Variants in LSAMP observed in about 807,000 individuals in gnomAD.
LSAMP encodes limbic system-associated membrane protein.
A neutral mutation model predicts 38.6 loss-of-function variants in LSAMP; 7 were observed. The ratio of observed to expected loss-of-function variants is 0.18; its 90% CI spans 0.10 to 0.34. LSAMP has a LOEUF of 0.34. Ranked by LOEUF, LSAMP falls within the 10% of genes least tolerant of loss-of-function variation. The pLI, the probability that LSAMP is intolerant of heterozygous loss-of-function variation, is 1.00. For missense variants in LSAMP, 313 were observed against 420.0 expected, an observed-to-expected ratio of 0.75 and a Z score of 2.23; for synonymous variants, 154 against 166.8, an observed-to-expected ratio of 0.92 and a Z score of 0.59.
At chr3:116,406,297 A>G (rs962451652) in intron 1 of LSAMP, among the ~76,000 whole-genome samples, 15 of 152,086 alleles carry the variant, frequency 9.9e-5, no homozygotes, top group Non-Finnish European at 1.5e-5. Context: ...AGCTCTTTCT[A>G]TGTCTTGGAA....
intron 1 of LSAMP, among the ~76,000 whole-genome samples, chr3:116,109,961 G>A (rs779967986): frequency 2.0e-5 from 3 of 149,370 alleles, no homozygotes; most frequent in African/African-American, 5.1e-5. Context: ...ATAAGAGGTC[G>A]GGGTGTGGAA....
At chr3:116,208,162 C>T (rs1380750085) in intron 1 of LSAMP, among the ~76,000 whole-genome samples, 3 of 152,070 alleles carry the variant, frequency 2.0e-5, no homozygotes, top group Non-Finnish European at 2.9e-5. Flanking sequence ...CATCTTCCAT[C>T]ACTGATACCC....
intron 2 of LSAMP, among the ~76,000 whole-genome samples, chr3:116,026,429 T>C (rs1042687895): frequency 6.6e-6 from 1 of 152,148 alleles, no homozygotes; most frequent in South Asian, 2.1e-4. Context: ...AAAGTGGAAA[T>C]GGAGACAAAG....
intron 1 of LSAMP, among the ~76,000 whole-genome samples, chr3:116,149,911 A>G (rs574297282): frequency 6.6e-6 from 1 of 152,186 alleles, no homozygotes; most frequent in East Asian, 1.9e-4. Context: ...ACCAAAAAAT[A>G]TATGTTGTTG....
intron 1 of LSAMP, among the ~76,000 whole-genome samples, chr3:116,144,740 G>A (rs1405525641): frequency 2.6e-5 from 4 of 151,748 alleles, no homozygotes; most frequent in East Asian, 1.9e-4. Flanking sequence ...GTTGATGAAA[G>A]TCTATTTTGT....
intron 2 of LSAMP, among the ~76,000 whole-genome samples, chr3:116,077,358 T>C (rs1375848511): frequency 6.6e-6 from 1 of 151,986 alleles, no homozygotes; most frequent in Non-Finnish European, 1.5e-5. Flanking sequence ...AATTCCAGAG[T>C]ATTTTAAATA....
At chr3:116,103,882 A>G (rs999806459) in intron 1 of LSAMP, among the ~76,000 whole-genome samples, 1 of 152,236 alleles carries the variant, frequency 6.6e-6, no homozygotes, top group African/African-American at 2.4e-5. Flanking sequence ...AACAATAAAG[A>G]TAATTTCAAA....
chr3:116,045,610 G>A (rs1452923342), intron 2 of LSAMP, among the ~76,000 whole-genome samples: 1 of 147,910 alleles, frequency 6.8e-6, no homozygotes, highest in African/African-American at 2.5e-5. Flanking sequence ...ATCTCCAATT[G>A]CAAAGCAGTG....
intron 1 of LSAMP, among the ~76,000 whole-genome samples, chr3:116,444,392 A>ACACACGCACAC: frequency 6.9e-6 from 1 of 144,248 alleles, no homozygotes; most frequent in Non-Finnish European, 1.5e-5. Context: ...TGGCATGAAA[A>ACACACGCACAC]ACACACACAC....
chr3:116,207,692 G>A (rs1313404472), intron 1 of LSAMP, among the ~76,000 whole-genome samples: 1 of 151,230 alleles, frequency 6.6e-6, no homozygotes, highest in Non-Finnish European at 1.5e-5. Flanking sequence ...ATGAAATTCT[G>A]GGTTGAAAAT....
intron 1 of LSAMP, among the ~76,000 whole-genome samples, chr3:116,432,480 C>T (rs987899559): frequency 1.1e-4 from 16 of 151,470 alleles, no homozygotes; most frequent in South Asian, 2.1e-4. Context: ...ATTTTGAGTT[C>T]TGTTTTATTT....
intron 3 of LSAMP, among the ~76,000 whole-genome samples, chr3:115,865,798 CCTTTT>C (rs906193503): frequency 1.3e-5 from 2 of 152,144 alleles, no homozygotes; most frequent in African/African-American, 2.4e-5. Context: ...GAAACATATA[CCTTTT>C]CTTTTCTTAA....
At chr3:115,838,267 A>T (rs1421602769) in intron 6 of LSAMP, 2 of 152,224 alleles carry the variant, frequency 1.3e-5, no homozygotes, top group East Asian at 3.8e-4. Context: ...ACAACCTTTA[A>T]ATTATCACCC....
intron 3 of LSAMP, among the ~76,000 whole-genome samples, chr3:115,876,854 G>A (rs1475878911): frequency 2.6e-5 from 4 of 151,956 alleles, no homozygotes; most frequent in African/African-American, 9.7e-5. Flanking sequence ...GAGAAGACAC[G>A]GATAGTTCTT....
chr3:116,445,405 C>T lies in LSAMP; in HGVS notation c.-374G>A. The T allele has an allele frequency of 4.4e-6, 2 of 453,870 alleles. No individual in the cohort carries two copies. Among genetic ancestry groups the T allele is most frequent in the East Asian group, 6.7e-5 (2 of 29,834 alleles). The allele number at this position is 453,870 out of a possible 1,614,324, so 28.1% of individuals were successfully genotyped here. A position where few individuals can be genotyped will look rare whatever the true frequency, so the allele number is the denominator to read the frequency against. On this transcript the variant is annotated 5_prime_UTR_variant, in exon 1 of 7. Coordinates refer to ENST00000490035, the MANE Select transcript of LSAMP (RefSeq NM_002338.5). ...TGAGCTGAGCTCCTTCGCTCTGTAACCCACTTTCCCAGGCTGGCGGGCGGG... is the reference window on the plus strand; with the variant it reads ...TGAGCTGAGCTCCTTCGCTCTGTAATCCACTTTCCCAGGCTGGCGGGCGGG...
chr3:116,179,772 C>A (rs1357414917), intron 1 of LSAMP, among the ~76,000 whole-genome samples: 1 of 152,118 alleles, frequency 6.6e-6, no homozygotes, highest in African/African-American at 2.4e-5. Context: ...CTGAGGATTA[C>A]ATTTTGACAT....
intron 3 of LSAMP, among the ~76,000 whole-genome samples, chr3:115,861,132 TC>T (rs1203031288): frequency 0.14 from 1,029 of 7,176 alleles, 41 homozygotes; most frequent in South Asian, 0.25. Context: ...CTTCTTTCTT[TC>T]CTTCCTTCCT....
chr3:116,223,620 T>C (rs1310025164), intron 1 of LSAMP, among the ~76,000 whole-genome samples: 1 of 152,188 alleles, frequency 6.6e-6, no homozygotes, highest in Non-Finnish European at 1.5e-5. Flanking sequence ...TTGAAAGAAA[T>C]ATAAAAATGT....
intron 1 of LSAMP, among the ~76,000 whole-genome samples, chr3:116,216,556 ATG>A (rs1212544337): frequency 7.2e-6 from 1 of 138,250 alleles, no homozygotes; most frequent in African/African-American, 2.9e-5. Flanking sequence ...GAAGCAAAGA[ATG>A]AGAAAAAAAA....
Sources: gnomAD v4.1 joint callset for allele counts (sites outside exome capture counted in the v4.1 genomes callset) on GRCh38, gnomAD v4.1.1 for gene constraint, MANE v1.5 for transcripts, NCBI Gene and HGNC (gene_info 2026-07-23, HGNC 2026-07-21) for gene names.